SLC2A13: variants seen among roughly 807,000 people sequenced by gnomAD.
The protein encoded by SLC2A13 is solute carrier family 2 member 13, also known as proton myo-inositol cotransporter.
SLC2A13 carries 32 observed loss-of-function variants against 64.4 expected under a neutral mutation model. That is an observed-to-expected ratio of 0.50 (90% CI 0.37 to 0.67). The LOEUF is 0.67. Among genes scored for constraint, SLC2A13 ranks in the 30% least tolerant of loss-of-function variants. The pLI is 0.00. For synonymous variants in SLC2A13, 338 were observed against 327.1 expected (o/e 1.03, Z -0.36); for missense variants, 743 against 829.2 (o/e 0.90, Z 1.28).
intron 4 of SLC2A13, among the ~76,000 whole-genome samples, chr12:39,881,637 C>T (rs773888012): frequency 4.6e-5 from 7 of 152,130 alleles, no homozygotes; most frequent in African/African-American, 9.7e-5. Flanking sequence ...TCATCTCAGC[C>T]GTCCCATACT....
At chr12:39,846,979 G>A (rs1220880087) in intron 6 of SLC2A13, among the ~76,000 whole-genome samples, 1 of 152,050 alleles carries the variant, frequency 6.6e-6, no homozygotes, top group Non-Finnish European at 1.5e-5. Flanking sequence ...CACAACAAAA[G>A]GTAGCTGTTT....
chr12:39,834,336 T>C (rs543616195), intron 6 of SLC2A13, among the ~76,000 whole-genome samples: 2 of 152,222 alleles, frequency 1.3e-5, no homozygotes, highest in East Asian at 3.9e-4. Context: ...CAAAGATTTC[T>C]ACATCCATAT....
At chr12:40,071,632 C>T (rs963789389) in intron 1 of SLC2A13, among the ~76,000 whole-genome samples, 2 of 152,066 alleles carry the variant, frequency 1.3e-5, no homozygotes, top group African/African-American at 4.8e-5. Context: ...CCCATCTGAA[C>T]CTGGTGCTTT....
At chr12:39,929,530 G>C (rs912781911) in intron 4 of SLC2A13, among the ~76,000 whole-genome samples, 1 of 151,300 alleles carries the variant, frequency 6.6e-6, no homozygotes, top group African/African-American at 2.4e-5. Context: ...CAGCCTGGGC[G>C]ACAGAGTGAG....
chr12:39,852,901 C>A (rs1299920747), intron 6 of SLC2A13, among the ~76,000 whole-genome samples: 1 of 152,174 alleles, frequency 6.6e-6, no homozygotes, highest in Non-Finnish European at 1.5e-5. Context: ...CCTTCATTCA[C>A]ATAGGGTGTA....
chr12:40,055,883 T>C (rs957233071), intron 1 of SLC2A13, among the ~76,000 whole-genome samples: 1 of 151,374 alleles, frequency 6.6e-6, no homozygotes, highest in Non-Finnish European at 1.5e-5. Context: ...ACTTCCTACA[T>C]AAGCTAGGCA....
At chr12:39,888,404 T>A (rs751931643) in intron 4 of SLC2A13, among the ~76,000 whole-genome samples, 70 of 152,272 alleles carry the variant, frequency 4.6e-4, no homozygotes, top group African/African-American at 1.5e-3. Flanking sequence ...TTTGTATTTT[T>A]AGCAGAGACA....
Position 39,758,467 on chromosome 12 carries a change from T to G in SLC2A13, c.*1559A>C, listed in dbSNP as rs1940028744. ...TTAGATGTTTAGAGCCATTTAAAAA[T>G]GCATCAAACTGATGTATTCCTAACT... On this transcript the variant is annotated 3_prime_UTR_variant, in exon 10 of 10. Coordinates refer to ENST00000280871, the MANE Select transcript of SLC2A13 (RefSeq NM_052885.4). 6.6e-6 allele frequency: 1 copy of G among 151,916 alleles called. No individual in the cohort carries two copies. The highest frequency in any genetic ancestry group is 1.5e-5 in the Non-Finnish European group (1 of 67,778). 9.4% of individuals were successfully genotyped at this position (151,916 alleles called of 1,614,324 possible). A position where few individuals can be genotyped will look rare whatever the true frequency, so the allele number is the denominator to read the frequency against.
intron 3 of SLC2A13, among the ~76,000 whole-genome samples, chr12:39,978,769 C>A (rs790874): frequency 6.6e-6 from 1 of 151,934 alleles, no homozygotes; most frequent in African/African-American, 2.4e-5. Flanking sequence ...ATTGCCCAGG[C>A]TTGCTTAGGT....
chr12:39,817,477 G>T (rs921260839), intron 7 of SLC2A13, among the ~76,000 whole-genome samples: 10 of 148,830 alleles, frequency 6.7e-5, no homozygotes, highest in Non-Finnish European at 1.4e-4. Context: ...TCCTTATTTA[G>T]TGCAGAGAGA....
At chr12:39,976,220 CT>C (rs1217735226) in intron 3 of SLC2A13, among the ~76,000 whole-genome samples, 4 of 152,218 alleles carry the variant, frequency 2.6e-5, no homozygotes, top group Non-Finnish European at 5.9e-5. Flanking sequence ...AGGCAAGTTA[CT>C]TAACCTCTCC....
chr12:39,828,693 C>A (rs1288462457), intron 7 of SLC2A13, among the ~76,000 whole-genome samples: 7 of 143,748 alleles, frequency 4.9e-5, no homozygotes, highest in African/African-American at 7.9e-5. Flanking sequence ...GTTTATAATT[C>A]TAGACTAGTA....
chr12:39,968,812 A>G (rs1223503315), intron 3 of SLC2A13, among the ~76,000 whole-genome samples: 2 of 142,338 alleles, frequency 1.4e-5, no homozygotes, highest in Non-Finnish European at 3.0e-5. Flanking sequence ...ATATATCTAC[A>G]TTATAATTTA....
chr12:39,898,124 G>GT (rs1361545774), intron 4 of SLC2A13, among the ~76,000 whole-genome samples: 1 of 152,088 alleles, frequency 6.6e-6, no homozygotes, highest in Non-Finnish European at 1.5e-5. Context: ...AAGCCTTCTG[G>GT]TGAACATACA....
intron 3 of SLC2A13, among the ~76,000 whole-genome samples, chr12:39,972,000 A>G (rs1164533084): frequency 5.6e-5 from 1 of 17,962 alleles, no homozygotes; most frequent in East Asian, 3.6e-3. Flanking sequence ...AAAAAAAAAT[A>G]TATATATATA....
intron 4 of SLC2A13, among the ~76,000 whole-genome samples, chr12:39,919,783 AAT>A (rs1945583534): frequency 1.3e-5 from 2 of 152,112 alleles, no homozygotes; most frequent in Non-Finnish European, 2.9e-5. Context: ...TCATTGTTTT[AAT>A]AAGATTTTAT....
chr12:39,821,133 A>G (rs1020485509), intron 7 of SLC2A13, among the ~76,000 whole-genome samples: 1 of 151,998 alleles, frequency 6.6e-6, no homozygotes, highest in Non-Finnish European at 1.5e-5. Flanking sequence ...CTCAAAAAAA[A>G]TTTTTCGCAG....
intron 3 of SLC2A13, among the ~76,000 whole-genome samples, chr12:40,002,960 T>A (rs1947344777): frequency 6.6e-6 from 1 of 152,186 alleles, no homozygotes; most frequent in Non-Finnish European, 1.5e-5. Context: ...GGGTTAATAA[T>A]TTACATCCAT....
intron 7 of SLC2A13, among the ~76,000 whole-genome samples, chr12:39,824,238 G>C (rs772987512): frequency 2.6e-5 from 4 of 152,214 alleles, no homozygotes; most frequent in Non-Finnish European, 5.9e-5. Flanking sequence ...AATGGTCCTA[G>C]TTAACTGGCT....
Sources: gnomAD v4.1 joint callset for allele counts (sites outside exome capture counted in the v4.1 genomes callset) on GRCh38, gnomAD v4.1.1 for gene constraint, MANE v1.5 for transcripts, NCBI Gene and HGNC (gene_info 2026-07-23, HGNC 2026-07-21) for gene names.